DEFB123: variants seen among roughly 807,000 people sequenced by gnomAD.
DEFB123 encodes defensin beta 123.
For synonymous variants in DEFB123, 22 were observed against 28.3 expected, an observed-to-expected ratio of 0.78 and a Z score of 0.71; for missense variants, 71 against 75.0, an observed-to-expected ratio of 0.95 and a Z score of 0.20.
chr20:31,440,776 G>T lies in DEFB123; in HGVS notation c.58+20G>T. Reference sequence around the variant, plus strand: ...CTCCAGGTAACCTGAACCTCCTTAAGGAAGGGGCAGGGCTTAGAGACTAAG... The same window carrying T: ...CTCCAGGTAACCTGAACCTCCTTAATGAAGGGGCAGGGCTTAGAGACTAAG... On this transcript the variant is annotated intron_variant, in intron 1 of 1. Coordinates refer to ENST00000376309, the MANE Select transcript of DEFB123 (RefSeq NM_153324.4). 1 of 1,612,550 alleles carries T rather than the reference G, an allele frequency of 6.2e-7. No homozygotes were observed.
intron 1 of DEFB123, among the ~76,000 whole-genome samples, chr20:31,447,281 A>T (rs1050314395): frequency 2.9e-4 from 44 of 152,114 alleles, no homozygotes; most frequent in African/African-American, 1.0e-3. Flanking sequence ...ATAATAATAA[A>T]AATAAAAATA....
chr20:31,445,681 A>G (rs1484496197), intron 1 of DEFB123, among the ~76,000 whole-genome samples: 3 of 152,154 alleles, frequency 2.0e-5, no homozygotes, highest in Admixed American at 6.6e-5. Flanking sequence ...CTGGGATTAC[A>G]GGTGCACGCC....
chr20:31,448,759 T>C (rs1270223858), intron 1 of DEFB123, among the ~76,000 whole-genome samples: 1 of 152,094 alleles, frequency 6.6e-6, no homozygotes, highest in Non-Finnish European at 1.5e-5. Context: ...TTGCCTAGGC[T>C]GAAGTGCGAT....
At chr20:31,444,903 C>A (rs766769397) in intron 1 of DEFB123, among the ~76,000 whole-genome samples, 45 of 152,168 alleles carry the variant, frequency 3.0e-4, no homozygotes, top group Non-Finnish European at 6.2e-4. Flanking sequence ...GCAATCAGTT[C>A]TTTGCATTCC....
At position 31,450,087 on chromosome 20, in the gene DEFB123, G is replaced by A. The variant is rs769987387; in HGVS notation, c.117G>A (p.Lys39=). Residue 39 remains lysine, a synonymous_variant, in exon 2 of 2, where the codon AAG becomes AAA. Coordinates refer to ENST00000376309, the MANE Select transcript of DEFB123 (RefSeq NM_153324.4). ...AATGCCGTTACAGATGCTCCAAGAA[G>A]GAAAGAGTCTATGTTTACTGCATAA... ...YGKCRYRCSK[K]ERVYVYCINN... is the part of the protein sequence containing the mutation. The A allele has an allele frequency of 1.2e-6, 2 of 1,612,690 alleles. No individual in the cohort carries two copies. The highest frequency in any genetic ancestry group is 1.7e-5 in the Admixed American group (1 of 59,808).
intron 1 of DEFB123, among the ~76,000 whole-genome samples, 200 bp from the exon 2 acceptor site, chr20:31,449,829 G>A (rs1979692085): frequency 6.8e-6 from 1 of 146,096 alleles, no homozygotes; most frequent in Non-Finnish European, 1.5e-5. Flanking sequence ...TTCAGCTGAT[G>A]TACCAAGGTC....
intron 1 of DEFB123, among the ~76,000 whole-genome samples, chr20:31,448,213 C>G (rs1268102852): frequency 2.6e-5 from 4 of 152,138 alleles, no homozygotes; most frequent in Admixed American, 6.5e-5. Context: ...CCACACCCAG[C>G]CTCTTCCAGT....
chr20:31,445,733 G>T (rs551694614), intron 1 of DEFB123, among the ~76,000 whole-genome samples: 1 of 152,058 alleles, frequency 6.6e-6, no homozygotes, highest in African/African-American at 2.4e-5. Context: ...AAAGACGGGG[G>T]TTTCACCATA....
intron 1 of DEFB123, among the ~76,000 whole-genome samples, chr20:31,449,208 CTT>C (rs112781684): frequency 3.5e-5 from 5 of 142,792 alleles, no homozygotes; most frequent in African/African-American, 2.6e-5. Context: ...TATTTTCCTG[CTT>C]TTTTTTTTTG....
intron 1 of DEFB123, among the ~76,000 whole-genome samples, chr20:31,446,042 T>C (rs897764001): frequency 2.6e-5 from 4 of 152,180 alleles, no homozygotes; most frequent in African/African-American, 9.7e-5. Context: ...GTCCATCTTA[T>C]AAAGACCACA....
At chr20:31,445,568 C>G (rs1044170542) in intron 1 of DEFB123, among the ~76,000 whole-genome samples, 1 of 152,092 alleles carries the variant, frequency 6.6e-6, no homozygotes, top group Non-Finnish European at 1.5e-5. Context: ...TGGATGGAGT[C>G]TAACTCTGTC....
chr20:31,445,625 C>T (rs1040051152), intron 1 of DEFB123, among the ~76,000 whole-genome samples: 1 of 152,142 alleles, frequency 6.6e-6, no homozygotes, highest in Non-Finnish European at 1.5e-5. Flanking sequence ...CTGCAACCTC[C>T]ACCTCCCAGG....
chr20:31,445,905 A>G (rs73116226), intron 1 of DEFB123, among the ~76,000 whole-genome samples: 12,206 of 152,322 alleles, frequency 0.08, 593 homozygotes, highest in Non-Finnish European at 0.11. Flanking sequence ...ATTTGCATTC[A>G]TTACGATCTT....
chr20:31,446,946 C>CAA (rs61153733), intron 1 of DEFB123, among the ~76,000 whole-genome samples: 1,995 of 119,602 alleles, frequency 0.017, 30 homozygotes, highest in Non-Finnish European at 0.025. Context: ...GACTCCATCT[C>CAA]AAAAAAAAAA....
chr20:31,450,173 A>G lies in DEFB123; in HGVS notation c.203A>G (p.Ter68=). Residue 68 remains the stop codon, a stop_retained_variant, in exon 2 of 2, where the codon TAA becomes TGA. Coordinates refer to ENST00000376309, the MANE Select transcript of DEFB123 (RefSeq NM_153324.4). ...CCAAAAGAAAGGTGGTGGCCATTTT[A>G]ACTGCTTTGAAGCCTGAAGCCATGA... ...YQPKERWWPF[*] 6.2e-7 allele frequency: 1 copy of G among 1,602,782 alleles called. No homozygotes were observed. Among genetic ancestry groups the G allele is most frequent in the Non-Finnish European group, 8.5e-7 (1 of 1,175,986 alleles).
intron 1 of DEFB123, among the ~76,000 whole-genome samples, 165 bp from the exon 2 acceptor site, chr20:31,449,864 C>CA (rs1328028633): frequency 8.0e-5 from 12 of 149,668 alleles, no homozygotes; most frequent in Admixed American, 6.7e-4. Context: ...AGGTGGGAAG[C>CA]AAAAAAACAG....
At chr20:31,446,181 G>A (rs1979581264) in intron 1 of DEFB123, among the ~76,000 whole-genome samples, 1 of 152,236 alleles carries the variant, frequency 6.6e-6, no homozygotes, top group Non-Finnish European at 1.5e-5. Context: ...ATAGGGTACT[G>A]TAGGATGACA....
chr20:31,445,494 A>C (rs1979564822), intron 1 of DEFB123, among the ~76,000 whole-genome samples: 1 of 152,040 alleles, frequency 6.6e-6, no homozygotes, highest in Non-Finnish European at 1.5e-5. Context: ...ATGAATCTGG[A>C]AGATAATGAT....
intron 1 of DEFB123, among the ~76,000 whole-genome samples, chr20:31,440,975 CAGGGA>C (rs1278987981): frequency 2.0e-5 from 3 of 152,188 alleles, no homozygotes; most frequent in Non-Finnish European, 2.9e-5. Context: ...TGCCCAGCTC[CAGGGA>C]GCATGTGGGG....
Sources: gnomAD v4.1 joint callset for allele counts (sites outside exome capture counted in the v4.1 genomes callset) on GRCh38, gnomAD v4.1.1 for gene constraint, MANE v1.5 for transcripts, NCBI Gene and HGNC (gene_info 2026-07-23, HGNC 2026-07-21) for gene names.